FILIP1L: variants seen among roughly 807,000 people sequenced by gnomAD.
FILIP1L encodes the protein filamin A interacting protein 1 like.
In FILIP1L, 55 loss-of-function variants were observed where a neutral mutation model predicts 96.6. The ratio of observed to expected loss-of-function variants is 0.57; its 90% CI spans 0.46 to 0.71. The LOEUF is 0.71. Among genes scored for constraint, FILIP1L ranks in the 30% least tolerant of loss-of-function variants. The pLI is 0.00. For synonymous variants in FILIP1L, 467 were observed against 473.9 expected, an observed-to-expected ratio of 0.99 and a Z score of 0.19; for missense variants, 1,304 against 1,321.2, an observed-to-expected ratio of 0.99 and a Z score of 0.20.
At chr3:99,959,361 G>C (rs1708428262) in intron 1 of FILIP1L, among the ~76,000 whole-genome samples, 1 of 152,288 alleles carries the variant, frequency 6.6e-6, no homozygotes, top group Admixed American at 6.5e-5. Context: ...TGCTGGCCAG[G>C]CTGGTCTCGA....
chr3:99,924,044 T>C (rs1202401090), intron 4 of FILIP1L, among the ~76,000 whole-genome samples, 186 bp downstream of exon 4: 1 of 152,242 alleles, frequency 6.6e-6, no homozygotes, highest in Non-Finnish European at 1.5e-5. Context: ...ACAGTCCTTA[T>C]CACACATCTG....
At chr3:99,977,511 A>T (rs1423770455) in intron 1 of FILIP1L, among the ~76,000 whole-genome samples, 2 of 152,156 alleles carry the variant, frequency 1.3e-5, no homozygotes, top group African/African-American at 4.8e-5. Context: ...CAATATACCT[A>T]AATTACTTGT....
Position 99,872,269 on chromosome 3 carries a change from C to CTGTGTGTGTGTGTGTG in FILIP1L, c.606-21215_606-21200dup, listed in dbSNP as rs55727823. On this transcript the variant is annotated intron_variant, in intron 4 of 5. Coordinates refer to ENST00000477258, the MANE Select transcript of FILIP1L (RefSeq NM_001387850.1). The stretch of plus-strand genomic sequence containing the variant: ...ATTCTGTGGATATTCTGTGCCAGGA[C>CTGTGTGTGTGTGTGTG]TGTGTGTGTGTGTGTGTGTGTGTGT... Among the ~76,000 whole-genome samples the CTGTGTGTGTGTGTGTG allele has an allele frequency of 2.9e-3, 324 of 110,802 alleles. 8 individuals carry two copies. Among genetic ancestry groups the CTGTGTGTGTGTGTGTG allele is most frequent in the East Asian group, 5.4e-3 (17 of 3,136 alleles). 72.7% of individuals were successfully genotyped at this position (110,802 alleles called of 152,430 possible).
intron 1 of FILIP1L, among the ~76,000 whole-genome samples, chr3:100,030,234 TGTATAGTATTGGAGTTG>T (rs2065001214): frequency 1.3e-5 from 2 of 152,112 alleles, no homozygotes; most frequent in African/African-American, 4.8e-5. Context: ...GCATTTTGAC[TGTATAGTATTGGAGTTG>T]TACCAAAAGG....
chr3:99,864,696 G>A (rs1472830002), intron 4 of FILIP1L, among the ~76,000 whole-genome samples: 1 of 151,786 alleles, frequency 6.6e-6, no homozygotes, highest in Non-Finnish European at 1.5e-5. Flanking sequence ...TCTCCTCTTT[G>A]CTCACTCTGC....
intron 4 of FILIP1L, among the ~76,000 whole-genome samples, chr3:99,883,284 G>T (rs1299231958): frequency 6.6e-6 from 1 of 152,108 alleles, no homozygotes; most frequent in Non-Finnish European, 1.5e-5. Context: ...TCCACTCATT[G>T]TTCTTCATCT....
chr3:99,996,443 C>T (rs1176885752), intron 1 of FILIP1L, among the ~76,000 whole-genome samples: 2 of 152,196 alleles, frequency 1.3e-5, no homozygotes, highest in African/African-American at 4.8e-5. Context: ...TTCTTCTGAG[C>T]CCTCCAAACT....
intron 5 of FILIP1L, among the ~76,000 whole-genome samples, chr3:99,835,272 A>G (rs1162584360): frequency 6.6e-6 from 1 of 152,172 alleles, no homozygotes; most frequent in African/African-American, 2.4e-5. Context: ...TCCTTATGCT[A>G]CTTTGTCTGG....
At chr3:99,971,994 G>A (rs1708836819) in intron 1 of FILIP1L, among the ~76,000 whole-genome samples, 1 of 152,186 alleles carries the variant, frequency 6.6e-6, no homozygotes, top group Non-Finnish European at 1.5e-5. Context: ...ACACTGACAT[G>A]GAGTATAGTC....
intron 1 of FILIP1L, among the ~76,000 whole-genome samples, chr3:100,089,656 T>C (rs1339617099): frequency 6.6e-6 from 1 of 152,256 alleles, no homozygotes; most frequent in African/African-American, 2.4e-5. Context: ...ACTTTACTGA[T>C]GTCTTACATT....
intron 4 of FILIP1L, among the ~76,000 whole-genome samples, chr3:99,896,097 CTT>C (rs1383373296): frequency 2.0e-5 from 3 of 151,400 alleles, no homozygotes; most frequent in Non-Finnish European, 4.4e-5. Context: ...GTGGAATAAA[CTT>C]TTAGAAAAAA....
chr3:100,040,535 G>T (rs2065187288), intron 1 of FILIP1L: 1 of 152,134 alleles, frequency 6.6e-6, no homozygotes, highest in African/African-American at 2.4e-5. Flanking sequence ...AGACTTCTCT[G>T]CATCTGCTTT....
chr3:99,868,558 G>A (rs150127030), intron 4 of FILIP1L, among the ~76,000 whole-genome samples: 303 of 152,282 alleles, frequency 2.0e-3, no homozygotes, highest in African/African-American at 6.8e-3. Flanking sequence ...TAAGCTTCAG[G>A]TTAAGAAGTG....
intron 1 of FILIP1L, chr3:100,040,552 C>G (rs141478878): frequency 6.6e-6 from 1 of 152,226 alleles, no homozygotes; most frequent in East Asian, 1.9e-4. Flanking sequence ...CTTTTTCCCC[C>G]CTTCCTTTTT....
intron 4 of FILIP1L, among the ~76,000 whole-genome samples, chr3:99,889,801 C>A (rs189149148): frequency 3.9e-5 from 6 of 152,088 alleles, no homozygotes; most frequent in Admixed American, 3.3e-4. Flanking sequence ...TATTAATCCT[C>A]CTCCAAAAAA....
chr3:100,090,308 T>G (rs1479685690), intron 1 of FILIP1L, among the ~76,000 whole-genome samples: 2 of 152,238 alleles, frequency 1.3e-5, no homozygotes, highest in South Asian at 4.1e-4. Context: ...AAGGGAACAT[T>G]AGCTCACTGA....
intron 1 of FILIP1L, among the ~76,000 whole-genome samples, chr3:100,039,269 A>G (rs1239421310): frequency 2.6e-5 from 4 of 152,176 alleles, no homozygotes; most frequent in African/African-American, 9.7e-5. Flanking sequence ...AAACTGAGCA[A>G]CCTTTTCTAA....
At chr3:100,056,697 C>A (rs1295589970) in intron 1 of FILIP1L, among the ~76,000 whole-genome samples, 1 of 146,828 alleles carries the variant, frequency 6.8e-6, no homozygotes, top group African/African-American at 2.5e-5. Context: ...CAGCTCTAGA[C>A]CATTAAAAAA....
At chr3:99,867,237 G>C (rs1167667168) in intron 4 of FILIP1L, among the ~76,000 whole-genome samples, 1 of 152,130 alleles carries the variant, frequency 6.6e-6, no homozygotes, top group Non-Finnish European at 1.5e-5. Context: ...CCCTGAGCAG[G>C]AGTTTCACCC....
Sources: gnomAD v4.1 joint callset for allele counts (sites outside exome capture counted in the v4.1 genomes callset) on GRCh38, gnomAD v4.1.1 for gene constraint, MANE v1.5 for transcripts, NCBI Gene and HGNC (gene_info 2026-07-23, HGNC 2026-07-21) for gene names.